Variants in ANO6 observed in about 807,000 individuals in gnomAD.
The protein encoded by ANO6 is anoctamin 6.
In ANO6, 106 loss-of-function variants were observed where a neutral mutation model predicts 117.5. The observed-to-expected ratio is 0.90, with a 90% CI of 0.77 to 1.06. The LOEUF (loss-of-function observed/expected upper bound fraction) is 1.06. ANO6 is among the 50% of genes least tolerant of loss of function. The pLI is 0.00. For synonymous variants in ANO6, 367 were observed against 385.1 expected (o/e 0.95, Z 0.55); for missense variants, 955 against 1,121.1 (o/e 0.85, Z 2.12).
chr12:45,334,406 C>T (rs1940765597), intron 3 of ANO6, among the ~76,000 whole-genome samples: 2 of 151,986 alleles, frequency 1.3e-5, no homozygotes, highest in Non-Finnish European at 2.9e-5. Flanking sequence ...CTCTGCCATC[C>T]TCAATATTTT....
At chr12:45,227,201 G>A (rs1434050895) in intron 1 of ANO6, among the ~76,000 whole-genome samples, 1 of 152,028 alleles carries the variant, frequency 6.6e-6, no homozygotes, top group Non-Finnish European at 1.5e-5. Context: ...TGTTGGCCAG[G>A]CTGGTCTTGA....
intron 1 of ANO6, among the ~76,000 whole-genome samples, chr12:45,261,500 C>T (rs1938032721): frequency 6.6e-6 from 1 of 152,168 alleles, no homozygotes; most frequent in Non-Finnish European, 1.5e-5. Context: ...CATTTTTATC[C>T]CCATTTATTT....
intron 3 of ANO6, among the ~76,000 whole-genome samples, chr12:45,333,936 G>A (rs1940750850): frequency 6.6e-6 from 1 of 151,970 alleles, no homozygotes; most frequent in Non-Finnish European, 1.5e-5. Context: ...CTTCACCAGA[G>A]TTTATCTAAA....
At chr12:45,234,719 C>G (rs1376365841) in intron 1 of ANO6, among the ~76,000 whole-genome samples, 1 of 151,236 alleles carries the variant, frequency 6.6e-6, no homozygotes, top group Admixed American at 6.6e-5. Flanking sequence ...CTTGACAGAA[C>G]CCCCCACCCC....
chr12:45,304,748 A>G (rs7967205), intron 2 of ANO6, among the ~76,000 whole-genome samples: 149,733 of 152,312 alleles, frequency 0.98, 73,668 homozygotes, highest in Middle Eastern at 1. Context: ...TTGAAACGAG[A>G]CCTAAGAGAA....
At chr12:45,329,471 G>A (rs986788758) in intron 2 of ANO6, among the ~76,000 whole-genome samples, 3 of 152,126 alleles carry the variant, frequency 2.0e-5, no homozygotes, top group Admixed American at 6.6e-5. Flanking sequence ...TCACACATGG[G>A]AGGTTTGCAT....
intron 1 of ANO6, among the ~76,000 whole-genome samples, chr12:45,252,702 C>T (rs1175527674): frequency 2.6e-5 from 4 of 152,178 alleles, no homozygotes; most frequent in Non-Finnish European, 4.4e-5. Context: ...ACAGTTCTCA[C>T]ATTTTTCTAA....
chr12:45,360,292 T>G (rs531261422), intron 8 of ANO6, among the ~76,000 whole-genome samples: 30 of 152,340 alleles, frequency 2.0e-4, no homozygotes, highest in African/African-American at 7.2e-4. Flanking sequence ...TGCCGACATT[T>G]GGTGTCTGGT....
intron 1 of ANO6, among the ~76,000 whole-genome samples, chr12:45,294,258 A>G (rs759166817): frequency 6.6e-6 from 1 of 152,214 alleles, no homozygotes; most frequent in Non-Finnish European, 1.5e-5. Context: ...AGCAAAGGGG[A>G]ACCTTTTGAG....
At chr12:45,331,449 C>A in intron 3 of ANO6, 26 bp downstream of exon 3, 2 of 1,570,296 alleles carry the variant, frequency 1.3e-6, no homozygotes, top group Non-Finnish European at 1.7e-6. Context: ...ATTTTCCTTT[C>A]TTTTTATTTC....
chr12:45,429,542 T>C lies in ANO6; in HGVS notation c.*231T>C, dbSNP rs1441824327. On this transcript the variant is annotated 3_prime_UTR_variant, in exon 20 of 20. Transcript: ENST00000320560. ...TCACCCGGAAAACCTCAATGTTACC[T>C]TTTTCTGATAAATTGGAATTTTACA... 7.6e-7 allele frequency: 1 copy of C among 1,316,430 alleles called. No individual in the cohort carries two copies. The highest frequency in any genetic ancestry group is 1.7e-5 in the South Asian group (1 of 59,376). 81.5% of individuals were successfully genotyped at this position (1,316,430 alleles called of 1,614,324 possible). A position where few individuals can be genotyped will look rare whatever the true frequency, so the allele number is the denominator to read the frequency against.
At chr12:45,400,036 G>A (rs1469340720) in intron 12 of ANO6, among the ~76,000 whole-genome samples, 1 of 152,148 alleles carries the variant, frequency 6.6e-6, no homozygotes, top group Non-Finnish European at 1.5e-5. Flanking sequence ...CCACGTGGGA[G>A]GCAGTGCCAT....
rs757950622 is a variant in ANO6 at position 45,409,465 on chromosome 12, ATT to A, written c.1992_1993del (p.Phe664LeufsTer2). ...TGCAGCCTATGGGCAAACTGGGATTATTTTATGAATATCTTGAAATGAGTAAG... is the reference window on the plus strand; with the variant it reads ...TGCAGCCTATGGGCAAACTGGGATTATTATGAATATCTTGAAATGAGTAAG... Reference protein sequence around the residue: ...HLQPMGKLGLFYEYLEMIIQF... With the variant: ...HLQPMGKLGLXYEYLEMIIQF... On this transcript the variant is annotated frameshift_variant, in exon 16 of 20. Transcript: ENST00000320560. LOFTEE classifies it high-confidence loss of function. The A allele has an allele frequency of 1.4e-5, 23 of 1,613,780 alleles. No homozygotes were observed. Among genetic ancestry groups the A allele is most frequent in the Non-Finnish European group, 1.9e-5 (23 of 1,179,906 alleles).
intron 1 of ANO6, chr12:45,270,578 C>A: frequency 5.2e-6 from 3 of 577,706 alleles, no homozygotes; most frequent in Non-Finnish European, 8.7e-6. Context: ...TTTTCCCCTC[C>A]GACTGTCAGT....
At chr12:45,256,962 C>T (rs1937855943) in intron 1 of ANO6, among the ~76,000 whole-genome samples, 1 of 152,022 alleles carries the variant, frequency 6.6e-6, no homozygotes, top group Non-Finnish European at 1.5e-5. Flanking sequence ...GAGAGGCAGC[C>T]AGGAGATGCA....
rs1205601622 is a variant in ANO6 at position 45,410,845 on chromosome 12, T to C, written c.2011+1358T>C. On this transcript the variant is annotated intron_variant, in intron 16 of 19. Coordinates refer to ENST00000320560, the MANE Select transcript of ANO6 (RefSeq NM_001025356.3). ...ACATTATACATGGAAACACATCTGC[T>C]TCCTTCAATGAGTAAAAGGTTCATC... Among the ~76,000 whole-genome samples the C allele has an allele frequency of 2.0e-5, 3 of 152,348 alleles. No individual in the cohort carries two copies. In the East Asian group the frequency reaches 5.8e-4, roughly 29 times the overall value.
intron 17 of ANO6, among the ~76,000 whole-genome samples, chr12:45,420,815 A>G (rs2137699100): frequency 6.6e-6 from 1 of 152,082 alleles, no homozygotes; most frequent in South Asian, 2.1e-4. Flanking sequence ...GTTCGAGACC[A>G]GGAGTTCAAG....
chr12:45,315,042 T>C (rs1592952868), intron 2 of ANO6, among the ~76,000 whole-genome samples: 1 of 151,970 alleles, frequency 6.6e-6, no homozygotes, highest in Non-Finnish European at 1.5e-5. Flanking sequence ...AATGTAGAAA[T>C]GTTGGACTAA....
Position 45,415,267 on chromosome 12 carries a change from A to G in ANO6, c.2012-1432A>G, listed in dbSNP as rs11834810. 3.7e-3 allele frequency among the ~76,000 whole-genome samples: 562 copies of G among 152,258 alleles called. 5 individuals are homozygous for G. Among genetic ancestry groups the G allele is most frequent in the African/African-American group, 0.013 (530 of 41,556 alleles). On this transcript the variant is annotated intron_variant, in intron 16 of 19. Coordinates refer to ENST00000320560, the MANE Select transcript of ANO6 (RefSeq NM_001025356.3). ...CATAGTGGTCTTAGTTTTCTCATTAATTTATTTCTAAATAGTTTATGCTTT... is the reference window on the plus strand; with the variant it reads ...CATAGTGGTCTTAGTTTTCTCATTAGTTTATTTCTAAATAGTTTATGCTTT...
Sources: allele counts gnomAD v4.1 joint callset (sites outside exome capture counted in the v4.1 genomes callset), GRCh38; gene constraint gnomAD v4.1.1; transcripts MANE v1.5; gene names NCBI Gene and HGNC (gene_info 2026-07-23, HGNC 2026-07-21).